The following ADGRG4 variants were observed in gnomAD, a reference collection of about 807,000 sequenced individuals.
ADGRG4 encodes adhesion G protein-coupled receptor G4, also known as G protein-coupled receptor 112.
Under a neutral mutation model 126.2 loss-of-function variants are expected in ADGRG4, and 122 were observed. That is an observed-to-expected ratio of 0.97 (90% CI 0.83 to 1.12). ADGRG4 has a LOEUF of 1.12. Among genes scored for constraint, ADGRG4 ranks in the 50% most tolerant of loss-of-function variants. The pLI is 0.00. For missense variants in ADGRG4, 2,481 were observed against 2,251.8 expected, an observed-to-expected ratio of 1.10 and a Z score of -2.06; for synonymous variants, 943 against 838.7, an observed-to-expected ratio of 1.12 and a Z score of -2.15.
intron 11 of ADGRG4, 39 bp from the exon 12 acceptor site, chrX:136,361,416 C>G: frequency 1.0e-6 from 1 of 971,598 alleles, no homozygotes; most frequent in Non-Finnish European, 1.3e-6. Context: ...CTTTTAAGTG[C>G]CTCTTGTCCT....
At chrX:136,308,612 C>T (rs909252131) in intron 3 of ADGRG4, among the ~76,000 whole-genome samples, 157 bp from the exon 4 acceptor site, 1 of 111,887 alleles carries the variant, frequency 8.9e-6, no homozygotes, top group African/African-American at 3.2e-5. Flanking sequence ...GGCTGGGTAT[C>T]TCTGGTAAAT....
intron 5 of ADGRG4, among the ~76,000 whole-genome samples, chrX:136,341,997 G>A (rs779909134): frequency 5.4e-5 from 6 of 111,888 alleles, no homozygotes; most frequent in Admixed American, 1.9e-4. Context: ...TTCAATTGGA[G>A]AAAGATCATG....
intron 21 of ADGRG4, among the ~76,000 whole-genome samples, chrX:136,401,670 C>A (rs2075379955): frequency 1.8e-5 from 2 of 111,903 alleles, no homozygotes; most frequent in South Asian, 7.5e-4. Flanking sequence ...ACATTCTTGT[C>A]CCCCACACTA....
At chrX:136,388,777 T>A (rs758393808) in intron 16 of ADGRG4, among the ~76,000 whole-genome samples, 11 of 111,850 alleles carry the variant, frequency 9.8e-5, no homozygotes, top group Non-Finnish European at 1.9e-4. Context: ...ACATTTATTA[T>A]TTCATCTACT....
chrX:136,341,581 C>A (rs1205013063), intron 5 of ADGRG4, among the ~76,000 whole-genome samples: 1 of 112,314 alleles, frequency 8.9e-6, no homozygotes, highest in African/African-American at 3.2e-5. Context: ...GCTTAAAATA[C>A]TCACTTGGCT....
chrX:136,364,323 G>T (rs1001215237), intron 13 of ADGRG4, among the ~76,000 whole-genome samples: 1 of 110,914 alleles, frequency 9.0e-6, no homozygotes, highest in African/African-American at 3.3e-5. Context: ...TTGTGTATGT[G>T]TATATTGTAT....
intron 21 of ADGRG4, 96 bp downstream of exon 21, chrX:136,400,212 T>A (rs2075372774): frequency 1.4e-6 from 1 of 725,727 alleles, no homozygotes; most frequent in African/African-American, 2.1e-5. Context: ...AGGTAAAAAA[T>A]TAAGGATCGC....
chrX:136,360,973 G>C (rs1234904769), intron 11 of ADGRG4, among the ~76,000 whole-genome samples: 1 of 111,082 alleles, frequency 9.0e-6, no homozygotes, highest in Non-Finnish European at 1.9e-5. Flanking sequence ...ACTCCACCAC[G>C]TGGCTTGAAA....
chrX:136,400,698 G>T (rs1214247759), intron 21 of ADGRG4, among the ~76,000 whole-genome samples: 3 of 111,627 alleles, frequency 2.7e-5, no homozygotes, highest in Non-Finnish European at 5.6e-5. Context: ...AACAGGAAAA[G>T]ACTTGAAATG....
chrX:136,382,330 A>T (rs1483435729), intron 15 of ADGRG4, among the ~76,000 whole-genome samples: 1 of 112,498 alleles, frequency 8.9e-6, no homozygotes, highest in African/African-American at 3.2e-5. Flanking sequence ...ATAAAAGAAA[A>T]AAAAATAAAA....
At position 136,326,631 on chromosome X, in the gene ADGRG4, A is replaced by G. The variant is rs1236616235; in HGVS notation, c.685+3239A>G. On this transcript the variant is annotated intron_variant, in intron 5 of 25. Transcript: ENST00000394143. Reference sequence around the variant, plus strand: ...CTGGGGAAATTAGGCTACTAGCTGTAGTCATTGCCTGCCTCACCACTGAAG... The same window carrying G: ...CTGGGGAAATTAGGCTACTAGCTGTGGTCATTGCCTGCCTCACCACTGAAG... 2.7e-5 allele frequency among the ~76,000 whole-genome samples: 3 copies of G among 111,331 alleles called. No individual in the cohort carries two copies. In the Admixed American group the frequency reaches 2.9e-4, roughly 11 times the overall value.
intron 16 of ADGRG4, among the ~76,000 whole-genome samples, chrX:136,389,087 G>T (rs1360806904): frequency 9.0e-6 from 1 of 111,497 alleles, no homozygotes; most frequent in Non-Finnish European, 1.9e-5. Flanking sequence ...CTCCAGCTAT[G>T]TCTGTAAGAC....
intron 6 of ADGRG4, 126 bp downstream of exon 6, chrX:136,350,559 C>A: frequency 1.6e-6 from 1 of 613,772 alleles, no homozygotes; most frequent in Non-Finnish European, 2.5e-6. Context: ...TGTTTCTTGT[C>A]TCCTTCAGAC....
In ADGRG4 at chrX:136,372,130, T is replaced by C. The variant is rs1229860730; in HGVS notation, c.7613+586T>C. Among the ~76,000 whole-genome samples, 4 of 110,915 alleles carry C rather than the reference T, an allele frequency of 3.6e-5. No homozygotes were observed. The East Asian group carries it at 1.1e-3, about 31-fold the overall frequency. ...ACCCCAAACCAAACCCCCAGTCTAT[T>C]CCCCCAACTTTTGTGTTCCCTCAGT... On this transcript the variant is annotated intron_variant, in intron 14 of 25. Transcript: ENST00000394143.
At chrX:136,369,032 T>A (rs2075176733) in intron 13 of ADGRG4, among the ~76,000 whole-genome samples, 1 of 111,705 alleles carries the variant, frequency 9.0e-6, no homozygotes, top group South Asian at 3.8e-4. Flanking sequence ...TCAGCATCAA[T>A]TGCCTGCCAT....
intron 13 of ADGRG4, among the ~76,000 whole-genome samples, chrX:136,369,674 A>G (rs1357850930): frequency 8.9e-6 from 1 of 112,393 alleles, no homozygotes; most frequent in Non-Finnish European, 1.9e-5. Flanking sequence ...TCCGTGAATG[A>G]GCTCACTATC....
Position 136,350,392 on chromosome X carries a change from C to T in ADGRG4, c.6686C>T (p.Ser2229Phe). ...CTGGACTCCACACCTTCCTTTCTAT[C>T]TACGGAAGCATCGACTTCGCCTACT... The part of the protein sequence containing the change: ...TWLDSTPSFL[S>F]TEASTSPTAT... The change falls in exon 6 of 26, where the codon TCT becomes TTT. Residue 2229 changes from serine to phenylalanine, a missense_variant. Physicochemically the swap from Ser to Phe is radical, Grantham distance 155. Transcript: ENST00000394143. The T allele has an allele frequency of 8.3e-7, 1 of 1,209,489 alleles. No individual in the cohort carries two copies. Among genetic ancestry groups the T allele is most frequent in the Non-Finnish European group, 1.1e-6 (1 of 894,372 alleles).
chrX:136,314,588 G>T (rs1345282318), intron 4 of ADGRG4, among the ~76,000 whole-genome samples: 2 of 112,129 alleles, frequency 1.8e-5, no homozygotes, highest in Non-Finnish European at 3.8e-5. Context: ...CTTTCTCAGA[G>T]AGGCCTTTCT....
rs146772866 is a variant in ADGRG4, at chrX:136,346,240, C to G, written c.2534C>G (p.Thr845Ser). The change falls in exon 6 of 26, where the codon ACT (threonine) becomes AGT (serine). Residue 845 changes from threonine to serine, a missense_variant. Physicochemically the swap from Thr to Ser is moderately conservative, Grantham distance 58. Transcript: ENST00000394143. ...LNATVTRKEA[T>S]SHYLMRKSTI... Reference sequence around the variant, plus strand: ...GCCACTGTGACAAGAAAAGAAGCAACTTCCCATTATCTTATGAGAAAATCA... The same window carrying G: ...GCCACTGTGACAAGAAAAGAAGCAAGTTCCCATTATCTTATGAGAAAATCA... 9.1e-6 allele frequency: 11 copies of G among 1,208,416 alleles called. No homozygotes were observed. In the African/African-American group the frequency reaches 1.6e-4, roughly 17 times the overall value.
Sources: gnomAD v4.1 joint callset for allele counts (sites outside exome capture counted in the v4.1 genomes callset) on GRCh38, gnomAD v4.1.1 for gene constraint, MANE v1.5 for transcripts, NCBI Gene and HGNC (gene_info 2026-07-23, HGNC 2026-07-21) for gene names.